Variants in UGGT2 observed in about 807,000 individuals in gnomAD.
The protein encoded by UGGT2 is UDP-glucose:glycoprotein glucosyltransferase 2.
In UGGT2, 180 loss-of-function variants were observed where a neutral mutation model predicts 192.1. The observed-to-expected ratio is 0.94, with a 90% CI of 0.83 to 1.06. The LOEUF (loss-of-function observed/expected upper bound fraction) is 1.06. Among genes scored for constraint, UGGT2 ranks in the 50% least tolerant of loss-of-function variants. UGGT2 has a pLI of 0.00. For synonymous variants in UGGT2, 580 were observed against 591.0 expected, an observed-to-expected ratio of 0.98 and a Z score of 0.27; for missense variants, 1,849 against 1,795.7, an observed-to-expected ratio of 1.03 and a Z score of -0.54.
chr13:95,950,813 A>G (rs953832415), intron 12 of UGGT2, among the ~76,000 whole-genome samples: 1 of 152,126 alleles, frequency 6.6e-6, no homozygotes, highest in African/African-American at 2.4e-5. Context: ...GTTTAATTGC[A>G]GACTGTACGC....
chr13:95,910,767 C>A lies in UGGT2; in HGVS notation c.2296-7707G>T, dbSNP rs961967049. Among the ~76,000 whole-genome samples the A allele has an allele frequency of 3.3e-5, 5 of 152,088 alleles. No homozygotes were observed. In the South Asian group the frequency reaches 1.0e-3, roughly 32 times the overall value. On this transcript the variant is annotated intron_variant, in intron 20 of 38. Transcript: ENST00000376747. ...CAGACATCTACAGAACTCTCCACCC[C>A]AAATCAACAGAATATACATTCTTTG... is the stretch of plus-strand genomic sequence containing the variant.
chr13:95,963,064 C>T (rs2050452062), intron 12 of UGGT2, among the ~76,000 whole-genome samples: 1 of 152,122 alleles, frequency 6.6e-6, no homozygotes, highest in African/African-American at 2.4e-5. Flanking sequence ...CCCACTGGGT[C>T]CCTCCCACAA....
At chr13:95,878,833 A>C (rs1010677619) in intron 27 of UGGT2, among the ~76,000 whole-genome samples, 2 of 152,200 alleles carry the variant, frequency 1.3e-5, no homozygotes, top group Non-Finnish European at 2.9e-5. Context: ...ATTTGTTTAC[A>C]GCATTTCTTT....
intron 20 of UGGT2, among the ~76,000 whole-genome samples, chr13:95,911,036 C>A (rs1353556577): frequency 2.0e-5 from 3 of 152,064 alleles, no homozygotes; most frequent in Non-Finnish European, 4.4e-5. Flanking sequence ...TCTTTGAAAC[C>A]AACGAAAACA....
intron 37 of UGGT2, among the ~76,000 whole-genome samples, chr13:95,833,659 T>C (rs1015313004): frequency 6.6e-6 from 1 of 151,946 alleles, no homozygotes; most frequent in African/African-American, 2.4e-5. Context: ...TTGATAAGAG[T>C]CTGACACACT....
chr13:95,995,690 TCC>T (rs1335916764), intron 7 of UGGT2, among the ~76,000 whole-genome samples: 1 of 152,006 alleles, frequency 6.6e-6, no homozygotes, highest in Non-Finnish European at 1.5e-5. Context: ...TGATGGACTA[TCC>T]ACAAGATGTG....
At chr13:96,046,263 G>T (rs1937364336) in intron 1 of UGGT2, among the ~76,000 whole-genome samples, 1 of 152,166 alleles carries the variant, frequency 6.6e-6, no homozygotes, top group African/African-American at 2.4e-5. Flanking sequence ...AAATGGTGCT[G>T]GGATACTTGG....
intron 1 of UGGT2, among the ~76,000 whole-genome samples, chr13:96,043,806 C>T (rs1270889917): frequency 6.6e-6 from 1 of 152,114 alleles, no homozygotes; most frequent in African/African-American, 2.4e-5. Flanking sequence ...CCTTGTCCAA[C>T]ACGGAAATAT....
intron 15 of UGGT2, among the ~76,000 whole-genome samples, chr13:95,945,451 A>G (rs570074268): frequency 1.4e-3 from 217 of 152,262 alleles, no homozygotes; most frequent in African/African-American, 4.8e-3. Context: ...CTTTGTATTA[A>G]ACCCTGTGGT....
chr13:95,880,452 C>T (rs2047461529), intron 27 of UGGT2, among the ~76,000 whole-genome samples: 1 of 152,126 alleles, frequency 6.6e-6, no homozygotes, highest in South Asian at 2.1e-4. Flanking sequence ...GACTTTAGTG[C>T]AATCTGAACT....
At chr13:95,995,154 T>C (rs1594533203) in intron 7 of UGGT2, among the ~76,000 whole-genome samples, 2 of 152,032 alleles carry the variant, frequency 1.3e-5, no homozygotes, top group Non-Finnish European at 2.9e-5. Flanking sequence ...CAGAATTTTT[T>C]ATAAAGAGCT....
chr13:95,833,738 A>G (rs1009941221), intron 37 of UGGT2, among the ~76,000 whole-genome samples: 1 of 152,218 alleles, frequency 6.6e-6, no homozygotes, highest in Non-Finnish European at 1.5e-5. Flanking sequence ...AAAGAGAGGC[A>G]TCAAAGAAAG....
In UGGT2 at chr13:96,029,603, T is replaced by C. The variant is rs1197669159; in HGVS notation, c.241+2286A>G. Among the ~76,000 whole-genome samples, 3 of 152,160 alleles carry C rather than the reference T, an allele frequency of 2.0e-5. No homozygotes were observed. In the East Asian group the frequency reaches 5.8e-4, roughly 29 times the overall value. ...GCTGTGCTAGTAATTCCTACTTTAA[T>C]ACAATTTAGGTTCAACCCTGAAAAC... On this transcript the variant is annotated intron_variant, in intron 2 of 38. Coordinates refer to ENST00000376747, the MANE Select transcript of UGGT2 (RefSeq NM_020121.4).
chr13:95,990,100 AGTAG>A, intron 7 of UGGT2, 27 bp from the exon 8 acceptor site: 4 of 1,465,650 alleles, frequency 2.7e-6, no homozygotes, highest in Non-Finnish European at 3.8e-6. Context: ...AGTGATGTTA[AGTAG>A]CATCACCTAT....
chr13:96,030,403 C>T (rs151088785), intron 2 of UGGT2, among the ~76,000 whole-genome samples: 62 of 152,296 alleles, frequency 4.1e-4, no homozygotes, highest in African/African-American at 1.4e-3. Context: ...GTACCTCCAG[C>T]ATTTCTTATG....
intron 36 of UGGT2, among the ~76,000 whole-genome samples, chr13:95,837,755 G>T (rs1478517292): frequency 6.6e-6 from 1 of 152,200 alleles, no homozygotes; most frequent in Non-Finnish European, 1.5e-5. Flanking sequence ...CTTCCCCAGA[G>T]ATATTTGTTT....
intron 20 of UGGT2, among the ~76,000 whole-genome samples, chr13:95,923,024 T>C (rs2048897166): frequency 6.6e-6 from 1 of 152,106 alleles, no homozygotes; most frequent in South Asian, 2.1e-4. Context: ...AGTCTAAAAA[T>C]GTTAACAACC....
intron 22 of UGGT2, among the ~76,000 whole-genome samples, chr13:95,899,845 G>GT (rs1408303215): frequency 6.6e-6 from 1 of 152,104 alleles, no homozygotes; most frequent in Non-Finnish European, 1.5e-5. Flanking sequence ...TTTGACATGT[G>GT]TAAAATAGCA....
intron 14 of UGGT2, 22 bp from the exon 15 acceptor site, chr13:95,947,194 G>A: frequency 6.4e-7 from 1 of 1,567,410 alleles, no homozygotes; most frequent in Non-Finnish European, 8.6e-7. Flanking sequence ...AGATGAACAA[G>A]GACTGTTATA....
Sources: allele counts gnomAD v4.1 joint callset (sites outside exome capture counted in the v4.1 genomes callset), GRCh38; gene constraint gnomAD v4.1.1; transcripts MANE v1.5; gene names NCBI Gene and HGNC (gene_info 2026-07-23, HGNC 2026-07-21).